Variants in NALF1 observed in about 807,000 individuals in gnomAD.
The protein encoded by NALF1 is NALCN channel auxiliary factor 1, also known as family with sequence similarity 155 member A.
NALF1 carries 3 observed loss-of-function variants against 48.4 expected under a neutral mutation model. The ratio of observed to expected loss-of-function variants is 0.06; its 90% CI spans 0.03 to 0.16. The LOEUF (loss-of-function observed/expected upper bound fraction) is 0.16, where lower values mean the gene tolerates loss of function less well. Among genes scored for constraint, NALF1 ranks in the 10% least tolerant of loss-of-function variants. The pLI is 1.00. For missense variants in NALF1, 526 were observed against 571.5 expected, an observed-to-expected ratio of 0.92 and a Z score of 0.81; for synonymous variants, 262 against 245.7, an observed-to-expected ratio of 1.07 and a Z score of -0.62.
At chr13:107,228,865 C>T (rs1277726241) in intron 1 of NALF1, among the ~76,000 whole-genome samples, 1 of 152,108 alleles carries the variant, frequency 6.6e-6, no homozygotes, top group African/African-American at 2.4e-5. Flanking sequence ...AGGTAATCCA[C>T]CCGCCTTGGC....
At chr13:107,389,963 C>T (rs1883593985) in intron 1 of NALF1, among the ~76,000 whole-genome samples, 1 of 152,150 alleles carries the variant, frequency 6.6e-6, no homozygotes, top group South Asian at 2.1e-4. Context: ...GATGTTTAAA[C>T]ATGAGAATAA....
At chr13:107,759,963 C>T (rs2138560445) in intron 1 of NALF1, among the ~76,000 whole-genome samples, 2 of 152,256 alleles carry the variant, frequency 1.3e-5, no homozygotes, top group Middle Eastern at 3.4e-3. Context: ...TCACATTCAA[C>T]ATTCAACAGT....
At position 107,343,237 on chromosome 13, in the gene NALF1, C is replaced by T. The variant is rs544187001; in HGVS notation, c.916-132482G>A. 5.3e-5 allele frequency among the ~76,000 whole-genome samples: 8 copies of T among 152,168 alleles called. No individual in the cohort carries two copies. The South Asian group carries it at 1.7e-3, about 32-fold the overall frequency. On this transcript the variant is annotated intron_variant, in intron 1 of 2. Coordinates refer to ENST00000375915, the MANE Select transcript of NALF1 (RefSeq NM_001080396.3). ...AATAGCAGTGGAAAAATGGAAATTT[C>T]CAACAGTGTTAAAATTAAACAGCAC... is the stretch of plus-strand genomic sequence containing the variant.
rs947065680 is a variant in NALF1, at chr13:107,167,613, T to C, written c.*2884A>G. 6.6e-6 allele frequency: 1 copy of C among 152,190 alleles called. No individual in the cohort carries two copies. Among genetic ancestry groups the C allele is most frequent in the Admixed American group, 6.5e-5 (1 of 15,278 alleles). The allele number at this position is 152,190 out of a possible 1,614,324, so 9.4% of individuals were successfully genotyped here. ...GACAAAGAAAATATTCCGCCAGAAT[T>C]AGAGACTATTCCAATGCTGGCTGAC... On this transcript the variant is annotated 3_prime_UTR_variant, in exon 3 of 3. Coordinates refer to ENST00000375915, the MANE Select transcript of NALF1 (RefSeq NM_001080396.3).
intron 1 of NALF1, among the ~76,000 whole-genome samples, chr13:107,498,227 T>G (rs939293665): frequency 6.6e-6 from 1 of 152,164 alleles, no homozygotes; most frequent in Admixed American, 6.6e-5. Context: ...AGGAAAATAT[T>G]AATCACATGG....
chr13:107,279,576 G>A (rs1388875382), intron 1 of NALF1, among the ~76,000 whole-genome samples: 2 of 151,996 alleles, frequency 1.3e-5, no homozygotes, highest in African/African-American at 4.8e-5. Flanking sequence ...CATTTCTAAA[G>A]TAAAATTCTC....
chr13:107,470,565 A>T (rs1485628786), intron 1 of NALF1, among the ~76,000 whole-genome samples: 1 of 152,214 alleles, frequency 6.6e-6, no homozygotes, highest in Admixed American at 6.5e-5. Context: ...CTTCAGAAAT[A>T]GTCACACAAA....
intron 1 of NALF1, among the ~76,000 whole-genome samples, chr13:107,701,324 C>CCACACATGACTGGACCTAGAAGAT (rs1881812806): frequency 1.3e-5 from 2 of 152,082 alleles, no homozygotes; most frequent in Admixed American, 6.6e-5. Flanking sequence ...GAGATCCTGC[C>CCACACATGACTGGACCTAGAAGAT]ATTTGCCACA....
intron 2 of NALF1, among the ~76,000 whole-genome samples, chr13:107,178,483 G>A (rs1878987125): frequency 6.6e-6 from 1 of 152,186 alleles, no homozygotes; most frequent in African/African-American, 2.4e-5. Context: ...TCAGAGAAAT[G>A]CAAATCAAAG....
chr13:107,233,343 C>G (rs1301468081), intron 1 of NALF1, among the ~76,000 whole-genome samples: 1 of 152,042 alleles, frequency 6.6e-6, no homozygotes, highest in Non-Finnish European at 1.5e-5. Context: ...TCTCAGTCAT[C>G]GATCAGTAGT....
intron 1 of NALF1, among the ~76,000 whole-genome samples, chr13:107,470,215 G>T (rs902674499): frequency 6.6e-6 from 1 of 152,150 alleles, no homozygotes; most frequent in Non-Finnish European, 1.5e-5. Context: ...GCATATGGTT[G>T]TTCTTAAACT....
chr13:107,346,171 G>A (rs75282856), intron 1 of NALF1, among the ~76,000 whole-genome samples: 7,663 of 146,866 alleles, frequency 0.052, 266 homozygotes, highest in African/African-American at 0.083. Context: ...TGTTGGGGGC[G>A]GGGGGGCAGA....
chr13:107,762,269 G>A, intron 1 of NALF1, among the ~76,000 whole-genome samples: 1 of 151,476 alleles, frequency 6.6e-6, no homozygotes, highest in African/African-American at 2.4e-5. Flanking sequence ...GTTAATTTTT[G>A]TGATGGTTGG....
chr13:107,736,512 T>C (rs1876473984), intron 1 of NALF1, among the ~76,000 whole-genome samples: 1 of 152,136 alleles, frequency 6.6e-6, no homozygotes, highest in South Asian at 2.1e-4. Flanking sequence ...AAATACTTAG[T>C]TATGAATCTC....
intron 1 of NALF1, among the ~76,000 whole-genome samples, chr13:107,396,947 C>T (rs1233357028): frequency 1.3e-5 from 2 of 152,172 alleles, no homozygotes; most frequent in Non-Finnish European, 2.9e-5. Flanking sequence ...GTGTAATATA[C>T]ATTTAAATAG....
chr13:107,866,060 G>C lies in NALF1; in HGVS notation c.537C>G (p.Gly179=), dbSNP rs1880705674. The C allele has an allele frequency of 6.2e-7, 1 of 1,612,594 alleles. No homozygotes were observed. The highest frequency in any genetic ancestry group is 2.2e-5 in the East Asian group (1 of 44,884). Residue 179 remains glycine (G), a synonymous_variant, in exon 1 of 3, where the codon GGC becomes GGG. Coordinates refer to ENST00000375915, the MANE Select transcript of NALF1 (RefSeq NM_001080396.3). The surrounding 1 kb of genome is among the most constrained non-coding windows in gnomAD (Gnocchi z 4.4). ...ETCYPQGASS[G]QCFTVENADA... ...CCGCATTCTCCACCGTGAAGCACTG[G>C]CCCGAGGACGCGCCCTGGGGGTAAC...
rs74336198 is a variant in NALF1 at position 107,318,304 on chromosome 13, T to C, written c.916-107549A>G. Among the ~76,000 whole-genome samples the C allele has an allele frequency of 2.4e-4, 37 of 152,242 alleles. No individual in the cohort carries two copies. In the East Asian group the frequency reaches 5.8e-3, roughly 24 times the overall value. On this transcript the variant is annotated intron_variant, in intron 1 of 2. Transcript: ENST00000375915. ...TGCACAATTCCGGCTTTAAATAAAA[T>C]GGTAAGCTAGAATTTGTATTCGTAT... is the stretch of plus-strand genomic sequence containing the variant.
At chr13:107,489,602 C>A (rs1885383391) in intron 1 of NALF1, among the ~76,000 whole-genome samples, 2 of 152,130 alleles carry the variant, frequency 1.3e-5, no homozygotes, top group Admixed American at 6.6e-5. Context: ...CTTCCTTACA[C>A]CATGCACAAA....
chr13:107,515,887 A>G (rs189749901), intron 1 of NALF1, among the ~76,000 whole-genome samples: 64 of 152,304 alleles, frequency 4.2e-4, no homozygotes, highest in African/African-American at 1.1e-3. Context: ...ATTGTTTTAG[A>G]AGAAAGTTGT....
Sources: allele counts gnomAD v4.1 joint callset (sites outside exome capture counted in the v4.1 genomes callset), GRCh38; gene constraint gnomAD v4.1.1; non-coding constraint Gnocchi (gnomAD v3.1); transcripts MANE v1.5; gene names NCBI Gene and HGNC (gene_info 2026-07-23, HGNC 2026-07-21).